PIAS1: variants seen among roughly 807,000 people sequenced by gnomAD.
The protein encoded by PIAS1 is E3 SUMO-protein ligase PIAS1.
PIAS1 carries 6 observed loss-of-function variants against 71.3 expected under a neutral mutation model. The observed-to-expected ratio is 0.08, with a 90% CI of 0.05 to 0.17. The LOEUF is 0.17. PIAS1 is among the 10% of genes least tolerant of loss of function. The probability of loss-of-function intolerance (pLI) is 1.00; values close to 1 mark genes in which losing one functional copy is unlikely to be tolerated. For synonymous variants in PIAS1, 303 were observed against 292.9 expected (o/e 1.03, Z -0.35); for missense variants, 555 against 793.6 (o/e 0.70, Z 3.61).
At chr15:68,162,820 C>T (rs1464542678) in intron 7 of PIAS1, among the ~76,000 whole-genome samples, 1 of 152,176 alleles carries the variant, frequency 6.6e-6, no homozygotes, top group East Asian at 1.9e-4. Flanking sequence ...AAGCAATCCT[C>T]CTACCTCAGG....
chr15:68,180,561 T>G (rs1440863047), intron 11 of PIAS1, among the ~76,000 whole-genome samples: 1 of 152,196 alleles, frequency 6.6e-6, no homozygotes, highest in African/African-American at 2.4e-5. Flanking sequence ...TACTGTTCTC[T>G]CTTTAAAAAC....
intron 2 of PIAS1, among the ~76,000 whole-genome samples, chr15:68,124,196 A>T (rs948622354): frequency 1.3e-5 from 2 of 152,108 alleles, no homozygotes; most frequent in African/African-American, 4.8e-5. Flanking sequence ...TATTCCAGAG[A>T]ATTTGAATCA....
intron 1 of PIAS1, among the ~76,000 whole-genome samples, chr15:68,067,792 A>G (rs2092045452): frequency 6.6e-6 from 1 of 152,198 alleles, no homozygotes; most frequent in Non-Finnish European, 1.5e-5. Flanking sequence ...AGTAAAACAA[A>G]CATCAAGCCT....
chr15:68,157,513 G>A (rs2141068725), intron 7 of PIAS1, among the ~76,000 whole-genome samples: 1 of 152,176 alleles, frequency 6.6e-6, no homozygotes, highest in Non-Finnish European at 1.5e-5. Context: ...TGCTCTTTCA[G>A]ATGTCACAAA....
At chr15:68,120,557 C>G (rs1376467454) in intron 2 of PIAS1, among the ~76,000 whole-genome samples, 1 of 152,126 alleles carries the variant, frequency 6.6e-6, no homozygotes, top group African/African-American at 2.4e-5. Flanking sequence ...CACGACCCTA[C>G]TTCAGGTGAC....
rs1359243959 is a variant in PIAS1 at position 68,178,295 on chromosome 15, C to T, written c.1481+1641C>T. ...AAAAAAAAATAAGATTTCAGTCAAA[C>T]ATTTCACACATCGGTATTTTCATTC... On this transcript the variant is annotated intron_variant, in intron 11 of 13. Coordinates refer to ENST00000249636, the MANE Select transcript of PIAS1 (RefSeq NM_016166.3). This position sits in a 1 kb window ranked among gnomAD's most constrained non-coding sequence, Gnocchi z 4.2. Among the ~76,000 whole-genome samples the T allele has an allele frequency of 2.6e-5, 4 of 152,178 alleles. No homozygotes were observed. Among genetic ancestry groups the T allele is most frequent in the African/African-American group, 7.2e-5 (3 of 41,442 alleles).
In PIAS1 at chr15:68,060,510, G is replaced by A. The variant is rs143229985; in HGVS notation, c.24+6160G>A. 6.6e-3 allele frequency among the ~76,000 whole-genome samples: 977 copies of A among 148,834 alleles called. 7 individuals carry two copies. The highest frequency in any genetic ancestry group is 0.024 in the Middle Eastern group (7 of 290). Reference sequence around the variant, plus strand: ...CACCTGTAATCTCAGCTACTCAGGAGGCTGAGGCAGGAGAATTGCTTGAAC... The same window carrying A: ...CACCTGTAATCTCAGCTACTCAGGAAGCTGAGGCAGGAGAATTGCTTGAAC... On this transcript the variant is annotated intron_variant, in intron 1 of 13. Transcript: ENST00000249636.
chr15:68,089,717 C>T (rs540809663), intron 2 of PIAS1, among the ~76,000 whole-genome samples: 3 of 150,860 alleles, frequency 2.0e-5, no homozygotes, highest in South Asian at 4.2e-4. Flanking sequence ...CCACCATGCC[C>T]GACTAATTTT....
At chr15:68,182,206 CATTT>C (rs1457272973) in intron 12 of PIAS1, among the ~76,000 whole-genome samples, 1 of 151,730 alleles carries the variant, frequency 6.6e-6, no homozygotes, top group African/African-American at 2.4e-5. Flanking sequence ...TCAGTATACT[CATTT>C]ATATATTTTG....
chr15:68,141,670 A>G (rs981987455), intron 2 of PIAS1, among the ~76,000 whole-genome samples: 3 of 152,154 alleles, frequency 2.0e-5, no homozygotes, highest in Non-Finnish European at 2.9e-5. Flanking sequence ...GCAAACATTT[A>G]TATGATTAGA....
chr15:68,072,162 G>T (rs1440796052), intron 1 of PIAS1, among the ~76,000 whole-genome samples: 1 of 151,690 alleles, frequency 6.6e-6, no homozygotes, highest in Non-Finnish European at 1.5e-5. Context: ...GCTTTGGGAG[G>T]CTGAGATGGG....
intron 2 of PIAS1, among the ~76,000 whole-genome samples, chr15:68,122,918 G>C (rs543525863): frequency 6.6e-6 from 1 of 150,632 alleles, no homozygotes; most frequent in Non-Finnish European, 1.5e-5. Context: ...TAAGAAAATA[G>C]AATTTTATTT....
intron 2 of PIAS1, among the ~76,000 whole-genome samples, chr15:68,113,832 T>G (rs1408361720): frequency 6.6e-6 from 1 of 152,202 alleles, no homozygotes. Flanking sequence ...TAGTATTACA[T>G]GTTGGAATTG....
chr15:68,055,762 A>T (rs1739526264), intron 1 of PIAS1: 1 of 540,574 alleles, frequency 1.8e-6, no homozygotes, highest in Non-Finnish European at 3.3e-6. Context: ...AAAATTATTT[A>T]ATTTTTTCCC....
At chr15:68,113,979 G>T (rs1005547909) in intron 2 of PIAS1, among the ~76,000 whole-genome samples, 1 of 150,738 alleles carries the variant, frequency 6.6e-6, no homozygotes. Context: ...CTAGCAATAG[G>T]ATCTCTCTCT....
chr15:68,139,389 C>CT (rs1469828315), intron 2 of PIAS1, among the ~76,000 whole-genome samples: 3 of 152,264 alleles, frequency 2.0e-5, no homozygotes, highest in Non-Finnish European at 4.4e-5. Flanking sequence ...AGGTTGAACT[C>CT]TAGATCAATG....
chr15:68,170,234 G>T (rs376139486), intron 8 of PIAS1, among the ~76,000 whole-genome samples: 4 of 152,186 alleles, frequency 2.6e-5, no homozygotes, highest in South Asian at 4.2e-4. Flanking sequence ...CACTATTAGG[G>T]GATTTTGTTG....
chr15:68,067,936 A>G (rs1183377690), intron 1 of PIAS1, among the ~76,000 whole-genome samples: 3 of 152,194 alleles, frequency 2.0e-5, no homozygotes, highest in Non-Finnish European at 4.4e-5. Context: ...GTAGTTTTGT[A>G]TATTATTATT....
chr15:68,164,384 A>G (rs1317629126), intron 7 of PIAS1, among the ~76,000 whole-genome samples: 3 of 152,156 alleles, frequency 2.0e-5, no homozygotes, highest in Admixed American at 6.5e-5. Context: ...TAAAAGAAAG[A>G]AAACCTTGAT....
Sources: allele counts gnomAD v4.1 joint callset (sites outside exome capture counted in the v4.1 genomes callset), GRCh38; gene constraint gnomAD v4.1.1; non-coding constraint Gnocchi (gnomAD v3.1); transcripts MANE v1.5; gene names NCBI Gene and HGNC (gene_info 2026-07-23, HGNC 2026-07-21).